The following AP3S2 variants were observed in gnomAD, a reference collection of about 807,000 sequenced individuals.
AP3S2 encodes adaptor related protein complex 3 subunit sigma 2.
A neutral mutation model predicts 23.4 loss-of-function variants in AP3S2; 22 were observed. That is an observed-to-expected ratio of 0.94 (90% confidence interval 0.67 to 1.34). The LOEUF (loss-of-function observed/expected upper bound fraction) is 1.34, where lower values mean the gene tolerates loss of function less well. AP3S2 is among the 40% of genes most tolerant of loss of function. The pLI is 0.00. For missense variants in AP3S2, 241 were observed against 236.9 expected (o/e 1.02, Z -0.11); for synonymous variants, 86 against 87.1 (o/e 0.99, Z 0.07).
intron 4 of AP3S2, among the ~76,000 whole-genome samples, chr15:89,850,922 C>G (rs911208113): frequency 7.9e-5 from 12 of 152,082 alleles, no homozygotes; most frequent in African/African-American, 2.9e-4. Context: ...ACCATGTTAC[C>G]CAGGCTGATC....
intron 3 of AP3S2, among the ~76,000 whole-genome samples, chr15:89,882,410 C>T (rs1896593468): frequency 6.6e-6 from 1 of 150,624 alleles, no homozygotes; most frequent in Non-Finnish European, 1.5e-5. Flanking sequence ...GTTGCCCGGG[C>T]CAGAGTACAA....
At chr15:89,893,593 A>G (rs1896869102) in intron 1 of AP3S2, 3 of 458,276 alleles carry the variant, frequency 6.5e-6, no homozygotes, top group Non-Finnish European at 1.2e-5. Context: ...CACACTCCCC[A>G]CTGTCGCTTC....
At chr15:89,842,245 AAC>A (rs1467520458) in intron 4 of AP3S2, among the ~76,000 whole-genome samples, 1 of 152,198 alleles carries the variant, frequency 6.6e-6, no homozygotes, top group Non-Finnish European at 1.5e-5. Context: ...ATAGAGAAGA[AAC>A]AGTTACAAAA....
chr15:89,861,503 C>T (rs1896008803), intron 4 of AP3S2, among the ~76,000 whole-genome samples: 1 of 152,112 alleles, frequency 6.6e-6, no homozygotes, highest in Non-Finnish European at 1.5e-5. Flanking sequence ...CAACACCCAG[C>T]TCAGTCATAA....
At chr15:89,853,086 C>T (rs114702539) in intron 4 of AP3S2, among the ~76,000 whole-genome samples, 249 of 152,294 alleles carry the variant, frequency 1.6e-3, no homozygotes, top group African/African-American at 5.3e-3. Flanking sequence ...ACTGAACTAT[C>T]ATAAGGTTTT....
chr15:89,876,955 G>C, intron 3 of AP3S2: 1 of 267,642 alleles, frequency 3.7e-6, no homozygotes, highest in South Asian at 3.9e-5. Context: ...CTGTACCTAG[G>C]GATTATGACA....
intron 4 of AP3S2, among the ~76,000 whole-genome samples, chr15:89,844,195 CTCTTTCTTTCTTTCTCTT>C (rs1359197035): frequency 2.0e-5 from 3 of 151,630 alleles, no homozygotes; most frequent in African/African-American, 4.8e-5. Context: ...CCAAAAAACC[CTCTTTCTTTCTTTCTCTT>C]TCTTTCTTTC....
In AP3S2 at chr15:89,854,017, T is replaced by TG. The variant is rs1385732741; in HGVS notation, c.346-16296dup. On this transcript the variant is annotated intron_variant, in intron 4 of 5. Coordinates refer to ENST00000336418, the MANE Select transcript of AP3S2 (RefSeq NM_005829.5). Reference sequence around the variant, plus strand: ...GCAGCCACCCCGTCCGGGAGGGACGTGGGGGGGGGGTCAGCCCCCCGCCCG... The same window carrying TG: ...GCAGCCACCCCGTCCGGGAGGGACGTGGGGGGGGGGGTCAGCCCCCCGCCCG... Among the ~76,000 whole-genome samples the TG allele has an allele frequency of 1.8e-3, 66 of 36,464 alleles. 13 individuals carry two copies. Among genetic ancestry groups the TG allele is most frequent in the Admixed American group, 3.8e-3 (12 of 3,148 alleles). 23.9% of individuals were successfully genotyped at this position (36,464 alleles called of 152,430 possible). A position where few individuals can be genotyped will look rare whatever the true frequency, so the allele number is the denominator to read the frequency against.
chr15:89,867,033 T>G (rs1228231821), intron 4 of AP3S2, among the ~76,000 whole-genome samples: 2 of 91,554 alleles, frequency 2.2e-5, no homozygotes, highest in Non-Finnish European at 4.1e-5. Flanking sequence ...CCCCTCTCCC[T>G]CTCCCTCTCC....
chr15:89,887,488 C>T (rs1206009338), intron 3 of AP3S2, among the ~76,000 whole-genome samples: 1 of 151,762 alleles, frequency 6.6e-6, no homozygotes, highest in African/African-American at 2.4e-5. Flanking sequence ...TCTCCTGCCC[C>T]AGCCTCCCGA....
At chr15:89,883,517 A>T (rs1161403113) in intron 3 of AP3S2, among the ~76,000 whole-genome samples, 2 of 151,986 alleles carry the variant, frequency 1.3e-5, no homozygotes, top group East Asian at 3.9e-4. Context: ...TGCTTTAGCC[A>T]CATGAGTAGC....
intron 3 of AP3S2, chr15:89,883,862 A>G (rs1896630684): frequency 6.6e-6 from 1 of 152,260 alleles, no homozygotes; most frequent in African/African-American, 2.4e-5. Flanking sequence ...TTAAAATCCA[A>G]AAACCTGAAA....
intron 4 of AP3S2, among the ~76,000 whole-genome samples, chr15:89,843,136 C>G (rs1895372967): frequency 6.6e-6 from 1 of 151,774 alleles, no homozygotes; most frequent in Admixed American, 6.6e-5. Context: ...AGGCATGTGC[C>G]ACCACGCCTG....
intron 3 of AP3S2, among the ~76,000 whole-genome samples, chr15:89,880,494 G>A (rs546381368): frequency 7.2e-5 from 11 of 152,128 alleles, no homozygotes; most frequent in African/African-American, 2.4e-4. Context: ...TCAACATGGT[G>A]AAACCCCCGA....
intron 1 of AP3S2, chr15:89,893,091 G>A (rs1402141125): frequency 6.6e-6 from 1 of 152,184 alleles, no homozygotes; most frequent in African/African-American, 2.4e-5. Flanking sequence ...GTCTGAAAAG[G>A]GTTTATTAAC....
chr15:89,877,514 G>T, intron 3 of AP3S2: 1 of 688,132 alleles, frequency 1.5e-6, no homozygotes, highest in Non-Finnish European at 2.3e-6. Flanking sequence ...TTCATAATGT[G>T]CAACCATCAC....
intron 2 of AP3S2, 57 bp downstream of exon 2, chr15:89,888,992 T>A: frequency 6.2e-7 from 1 of 1,601,626 alleles, no homozygotes; most frequent in Admixed American, 1.7e-5. Context: ...GAAGATGCAA[T>A]AATGAAGGCC....
intron 3 of AP3S2, among the ~76,000 whole-genome samples, chr15:89,881,832 T>C (rs1027443243): frequency 6.6e-6 from 1 of 152,102 alleles, no homozygotes; most frequent in African/African-American, 2.4e-5. Flanking sequence ...CATTTTTTTT[T>C]TTTTTGAGAT....
chr15:89,876,057 T>A (rs1401527076), intron 3 of AP3S2, among the ~76,000 whole-genome samples: 1 of 152,052 alleles, frequency 6.6e-6, no homozygotes, highest in Middle Eastern at 3.2e-3. Context: ...ATCATCGTAG[T>A]AGAGGGAAAA....
Sources: gnomAD v4.1 joint callset for allele counts (sites outside exome capture counted in the v4.1 genomes callset) on GRCh38, gnomAD v4.1.1 for gene constraint, MANE v1.5 for transcripts, NCBI Gene and HGNC (gene_info 2026-07-23, HGNC 2026-07-21) for gene names.